Variants in UBE2K observed in about 807,000 individuals in gnomAD.
The protein encoded by UBE2K is ubiquitin conjugating enzyme E2 K, also known as ubiquitin-conjugating enzyme E2 K.
Under a neutral mutation model 30.0 loss-of-function variants are expected in UBE2K, and 6 were observed. The ratio of observed to expected loss-of-function variants is 0.20; its 90% CI spans 0.11 to 0.39. The LOEUF (loss-of-function observed/expected upper bound fraction) is 0.39, where lower values mean the gene tolerates loss of function less well. Ranked by LOEUF, UBE2K falls within the 10% of genes least tolerant of loss-of-function variation. UBE2K has a pLI of 1.00. For synonymous variants in UBE2K, 86 were observed against 83.7 expected (o/e 1.03, Z -0.15); for missense variants, 61 against 241.6 (o/e 0.25, Z 4.96).
chr4:39,768,784 C>T (rs1560377817), intron 4 of UBE2K, among the ~76,000 whole-genome samples: 1 of 152,186 alleles, frequency 6.6e-6, no homozygotes, highest in Non-Finnish European at 1.5e-5. Flanking sequence ...TCCTTTACAT[C>T]ATCACCAACA....
At chr4:39,752,312 TTTTTTTTTTTTTCTTTTTTTTTC>T (rs1721300163) in intron 3 of UBE2K, among the ~76,000 whole-genome samples, 2 of 104,130 alleles carry the variant, frequency 1.9e-5, no homozygotes, top group South Asian at 6.1e-4. Context: ...GCCTGGCTAA[TTTTTTTTTTTTTCTTTTTTTTTC>T]TTTTTTTTTT....
rs76914933 is a variant in UBE2K at position 39,736,086 on chromosome 4, A to C, written c.64-1334A>C. On this transcript the variant is annotated intron_variant, in intron 1 of 6. Coordinates refer to ENST00000261427, the MANE Select transcript of UBE2K (RefSeq NM_005339.5). ...ACTGTTTCATCTAGTAATCAAGTTT[A>C]AGAAAGTCAGTCTAAAAGCAAAAAA... 4.0e-3 allele frequency among the ~76,000 whole-genome samples: 610 copies of C among 152,194 alleles called. 4 individuals carry two copies. Among genetic ancestry groups the C allele is most frequent in the African/African-American group, 0.014 (576 of 41,534 alleles).
intron 1 of UBE2K, among the ~76,000 whole-genome samples, chr4:39,731,302 A>G (rs906072230): frequency 6.6e-6 from 1 of 152,202 alleles, no homozygotes; most frequent in African/African-American, 2.4e-5. Context: ...AGTAAGGATC[A>G]TACATGTGTC....
At chr4:39,740,133 T>C (rs531968968) in intron 2 of UBE2K, among the ~76,000 whole-genome samples, 60 of 152,220 alleles carry the variant, frequency 3.9e-4, no homozygotes, top group Middle Eastern at 3.4e-3. Context: ...TATAATAATA[T>C]ACTAGCTTCT....
intron 1 of UBE2K, among the ~76,000 whole-genome samples, chr4:39,723,363 T>TC (rs35215180): frequency 0.03 from 426 of 14,282 alleles, 9 homozygotes; most frequent in African/African-American, 0.22. Context: ...CTGTCTTCTC[T>TC]TTTTTTTTTT....
intron 1 of UBE2K, among the ~76,000 whole-genome samples, chr4:39,717,508 C>T (rs1022218316): frequency 6.6e-6 from 1 of 152,010 alleles, no homozygotes; most frequent in Non-Finnish European, 1.5e-5. Context: ...GGATTACAGG[C>T]GTGAGCCACC....
intron 3 of UBE2K, among the ~76,000 whole-genome samples, chr4:39,746,214 T>TA (rs1441250427): frequency 1.3e-5 from 2 of 152,152 alleles, no homozygotes; most frequent in African/African-American, 4.8e-5. Context: ...TGCCAAGAAC[T>TA]ATAGCAGTAA....
In UBE2K at chr4:39,779,042, A is replaced by ACCCCCCCCCCCCCCCCCCCTC. The variant is rs3839130; in HGVS notation, c.*616_*617insCCCCCCCCCCCTCCCCCCCCC. On this transcript the variant is annotated 3_prime_UTR_variant, in exon 7 of 7. Transcript: ENST00000261427. ...TGGGACAGTGTCTGATTCCCCCTTC[A>ACCCCCCCCCCCCCCCCCCCTC]CCCCCCCCACCCCCGCCTTGCCACA... The ACCCCCCCCCCCCCCCCCCCTC allele has an allele frequency of 3.9e-5, 5 of 128,212 alleles. No homozygotes were observed. Among genetic ancestry groups the ACCCCCCCCCCCCCCCCCCCTC allele is most frequent in the Admixed American group, 8.7e-5 (1 of 11,468 alleles). The allele number at this position is 128,212 out of a possible 1,614,324, so 7.9% of individuals were successfully genotyped here.
intron 1 of UBE2K, among the ~76,000 whole-genome samples, chr4:39,723,148 A>G (rs1719520539): frequency 6.6e-6 from 1 of 151,564 alleles, no homozygotes. Context: ...GACTCCAGGA[A>G]TCCTCCCACC....
intron 1 of UBE2K, among the ~76,000 whole-genome samples, chr4:39,699,472 T>G (rs1165643062): frequency 2.6e-5 from 4 of 152,202 alleles, no homozygotes; most frequent in Non-Finnish European, 4.4e-5. Context: ...TGTACTACGT[T>G]TATTTATGTA....
At chr4:39,722,661 C>T (rs1289083684) in intron 1 of UBE2K, among the ~76,000 whole-genome samples, 1 of 151,594 alleles carries the variant, frequency 6.6e-6, no homozygotes, top group Admixed American at 6.6e-5. Context: ...CCTGAGTACC[C>T]GGAGAAAACC....
intron 4 of UBE2K, among the ~76,000 whole-genome samples, chr4:39,768,975 A>G (rs1216757381): frequency 6.6e-6 from 1 of 152,092 alleles, no homozygotes; most frequent in East Asian, 1.9e-4. Context: ...AGAGGTGTGC[A>G]CTATCACGGC....
chr4:39,715,513 T>C (rs1719012888), intron 1 of UBE2K, among the ~76,000 whole-genome samples: 1 of 151,678 alleles, frequency 6.6e-6, no homozygotes, highest in South Asian at 2.1e-4. Context: ...TTTCACGATG[T>C]TGGCCAGGCT....
intron 1 of UBE2K, among the ~76,000 whole-genome samples, chr4:39,702,214 T>A: frequency 1.3e-5 from 1 of 76,334 alleles, no homozygotes; most frequent in African/African-American, 5.0e-5. Flanking sequence ...ACATTTTCTT[T>A]TCTTTTCTTT....
intron 2 of UBE2K, among the ~76,000 whole-genome samples, chr4:39,741,249 C>T (rs997777209): frequency 1.3e-5 from 2 of 151,638 alleles, no homozygotes; most frequent in Non-Finnish European, 1.5e-5. Context: ...CCAGCCTGGG[C>T]GACAGAGGGA....
At chr4:39,760,196 A>AAACAC in intron 4 of UBE2K, among the ~76,000 whole-genome samples, 2 of 7,922 alleles carry the variant, frequency 2.5e-4, no homozygotes, top group Non-Finnish European at 2.5e-4. Context: ...AAAAAAACAG[A>AAACAC]AAAAAAAAAA....
intron 1 of UBE2K, among the ~76,000 whole-genome samples, chr4:39,735,176 C>T (rs1464889534): frequency 6.6e-6 from 1 of 152,190 alleles, no homozygotes; most frequent in African/African-American, 2.4e-5. Context: ...TTTCTTTTAA[C>T]ATTATGCATA....
chr4:39,771,040 A>G, intron 4 of UBE2K: 1 of 1,612,298 alleles, frequency 6.2e-7, no homozygotes, highest in Non-Finnish European at 8.5e-7. Context: ...ATCCTCTTTG[A>G]GGCCTATTTT....
At chr4:39,742,473 A>G (rs538671981) in intron 2 of UBE2K, among the ~76,000 whole-genome samples, 41 of 152,320 alleles carry the variant, frequency 2.7e-4, no homozygotes, top group African/African-American at 9.9e-4. Context: ...ATAACGGCTC[A>G]TGCCTGTAAT....
Sources: gnomAD v4.1 joint callset for allele counts (sites outside exome capture counted in the v4.1 genomes callset) on GRCh38, gnomAD v4.1.1 for gene constraint, MANE v1.5 for transcripts, NCBI Gene and HGNC (gene_info 2026-07-23, HGNC 2026-07-21) for gene names.